Variants in EBF3 observed in about 807,000 individuals in gnomAD.
EBF3 encodes the protein transcription factor COE3.
Under a neutral mutation model 77.1 loss-of-function variants are expected in EBF3, and 18 were observed. The observed-to-expected ratio is 0.23, with a 90% CI of 0.16 to 0.35. The LOEUF (loss-of-function observed/expected upper bound fraction) is 0.35, where lower values mean the gene tolerates loss of function less well. Among genes scored for constraint, EBF3 ranks in the 10% least tolerant of loss-of-function variants. The pLI, the probability that EBF3 is intolerant of heterozygous loss-of-function variation, is 1.00. For missense variants in EBF3, 558 were observed against 860.0 expected, an observed-to-expected ratio of 0.65 and a Z score of 4.39; for synonymous variants, 350 against 343.5, an observed-to-expected ratio of 1.02 and a Z score of -0.21.
intron 6 of EBF3, among the ~76,000 whole-genome samples, chr10:129,887,986 G>A (rs926948407): frequency 1.3e-5 from 2 of 152,084 alleles, no homozygotes; most frequent in Non-Finnish European, 2.9e-5. Context: ...CATCCCAATC[G>A]GCCTCGTGGT....
Position 129,839,184 on chromosome 10 carries a change from C to T in EBF3, c.1771G>A (p.Gly591Ser). ...NGNGLQGSLL[G>S]AEDVAAEKTN... ...TTCTCCGCGGCTACGTCCTCAGCAC[C>T]CAGCAGAGAGCCTGGTACATAGTAG... The change falls in exon 16 of 17, where the codon GGT becomes AGT. Residue 591 changes from glycine to serine, a missense_variant. Transcript: ENST00000440978. The T allele has an allele frequency of 2.3e-6, 3 of 1,285,984 alleles. No individual in the cohort carries two copies. The South Asian group carries it at 3.7e-5, about 16-fold the overall frequency. The allele number at this position is 1,285,984 out of a possible 1,614,324, so 79.7% of individuals were successfully genotyped here. A position where few individuals can be genotyped will look rare whatever the true frequency, so the allele number is the denominator to read the frequency against.
At position 129,835,585 on chromosome 10, in the gene EBF3, G is replaced by C. The variant is rs1179101372; in HGVS notation, c.*2358C>G. 1 of 152,204 alleles carries C rather than the reference G, an allele frequency of 6.6e-6. No homozygotes were observed. Among genetic ancestry groups the C allele is most frequent in the African/African-American group, 2.4e-5 (1 of 41,434 alleles). The allele number at this position is 152,204 out of a possible 1,614,324, so 9.4% of individuals were successfully genotyped here. A position where few individuals can be genotyped will look rare whatever the true frequency, so the allele number is the denominator to read the frequency against. ...TACAAAATAAAATGGAGGCAATTTA[G>C]TTCCAAAGTGACTTCTCAGGCTTTC... On this transcript the variant is annotated 3_prime_UTR_variant, in exon 17 of 17. Coordinates refer to ENST00000440978, the MANE Select transcript of EBF3 (RefSeq NM_001375380.1).
intron 4 of EBF3, among the ~76,000 whole-genome samples, chr10:129,960,392 T>C (rs949789763): frequency 6.6e-6 from 1 of 152,212 alleles, no homozygotes; most frequent in Non-Finnish European, 1.5e-5. Context: ...GCCTCCTGCC[T>C]GGACCCGGCT....
At chr10:129,905,087 G>A (rs1367112715) in intron 6 of EBF3, among the ~76,000 whole-genome samples, 2 of 152,246 alleles carry the variant, frequency 1.3e-5, no homozygotes, top group Non-Finnish European at 2.9e-5. Flanking sequence ...AGGTGACTCT[G>A]GACCCCAGGG....
At chr10:129,893,841 G>A (rs1179896170) in intron 6 of EBF3, among the ~76,000 whole-genome samples, 5 of 152,230 alleles carry the variant, frequency 3.3e-5, no homozygotes, top group South Asian at 2.1e-4. Flanking sequence ...CAAGGTGAGC[G>A]CCTCTGTTAC....
rs1564808880 is a variant in EBF3, at chr10:129,836,955, ATATTT to A, written c.*983_*987del. The stretch of plus-strand genomic sequence containing the variant: ...TAAGGAATAAAACTTGTTTTTCTAA[ATATTT>A]TAAGTGGATCTGAAAAAAATTCAAG... On this transcript the variant is annotated 3_prime_UTR_variant, in exon 17 of 17. Transcript: ENST00000440978. 1 of 152,670 alleles carries A rather than the reference ATATTT, an allele frequency of 6.6e-6. No homozygotes were observed. The highest frequency in any genetic ancestry group is 1.5e-5 in the Non-Finnish European group (1 of 68,042). The allele number at this position is 152,670 out of a possible 1,614,324, so 9.5% of individuals were successfully genotyped here.
At chr10:129,890,076 C>T (rs1853915076) in intron 6 of EBF3, among the ~76,000 whole-genome samples, 1 of 151,222 alleles carries the variant, frequency 6.6e-6, no homozygotes, top group Admixed American at 6.6e-5. Context: ...GAGTCCTTAC[C>T]CCGACGCTTG....
chr10:129,954,506 T>C (rs1858902678), intron 6 of EBF3, among the ~76,000 whole-genome samples: 1 of 151,010 alleles, frequency 6.6e-6, no homozygotes, highest in African/African-American at 2.4e-5. Flanking sequence ...GTGTAATTAA[T>C]TGATTTAAGG....
chr10:129,964,117 C>G lies in EBF3; in HGVS notation c.-349G>C, dbSNP rs1240665301. On this transcript the variant is annotated 5_prime_UTR_variant, in exon 1 of 17. Coordinates refer to ENST00000440978, the MANE Select transcript of EBF3 (RefSeq NM_001375380.1). This position sits in a 1 kb window ranked among gnomAD's most constrained non-coding sequence, Gnocchi z 4.5. ...CCGCGGCTGCAGGACACTGCGGGAT[C>G]GCCCGCTTCTGGCGCGGCCCGCCTG... 1 of 984,964 alleles carries G rather than the reference C, an allele frequency of 1.0e-6. No individual in the cohort carries two copies. The highest frequency in any genetic ancestry group is 1.2e-6 in the Non-Finnish European group (1 of 829,838). 61.0% of individuals were successfully genotyped at this position (984,964 alleles called of 1,614,324 possible).
rs549890113 is a variant in EBF3 at position 129,841,796 on chromosome 10, T to C, written c.1372+320A>G. 6.6e-6 allele frequency among the ~76,000 whole-genome samples: 1 copy of C among 152,238 alleles called. No homozygotes were observed. The highest frequency in any genetic ancestry group is 1.5e-5 in the Non-Finnish European group (1 of 68,004). On this transcript the variant is annotated intron_variant, in intron 13 of 16. Transcript: ENST00000440978. This position sits in a 1 kb window ranked among gnomAD's most constrained non-coding sequence, Gnocchi z 4.6. ...AGCTCCCTAGGCCATGGCTATCCTA[T>C]GGCTTAGCCCAGACTTCCAAGGAAA...
chr10:129,912,499 C>T (rs868748510), intron 6 of EBF3, among the ~76,000 whole-genome samples: 6 of 152,144 alleles, frequency 3.9e-5, no homozygotes, highest in East Asian at 1.9e-4. Context: ...CATGCATTCT[C>T]GGCTTCTCTA....
At position 129,904,466 on chromosome 10, in the gene EBF3, AC is replaced by A. The variant is rs553226080; in HGVS notation, c.555-26618del. 1.8e-3 allele frequency among the ~76,000 whole-genome samples: 268 copies of A among 152,312 alleles called. 2 individuals are homozygous for A. The highest frequency in any genetic ancestry group is 2.9e-3 in the Admixed American group (44 of 15,298). On this transcript the variant is annotated intron_variant, in intron 6 of 16. Transcript: ENST00000440978. ...GATGGATAAATGGATGGATGGACAGACAAATGGAAGATAGATGGGCAGATGG... is the reference window on the plus strand; with the variant it reads ...GATGGATAAATGGATGGATGGACAGAAAATGGAAGATAGATGGGCAGATGG...
intron 4 of EBF3, among the ~76,000 whole-genome samples, chr10:129,960,118 A>G (rs1260856896): frequency 3.9e-5 from 6 of 151,918 alleles, no homozygotes; most frequent in Admixed American, 6.5e-5. Context: ...GAAAAGAAAA[A>G]AAAAAAAAGT....
chr10:129,883,435 T>A (rs1853347076), intron 6 of EBF3, among the ~76,000 whole-genome samples: 1 of 152,128 alleles, frequency 6.6e-6, no homozygotes. Context: ...AAAATGTTGG[T>A]ATCTTTTATT....
rs916377906 is a variant in EBF3, at chr10:129,843,849, A to G, written c.1129-647T>C. Among the ~76,000 whole-genome samples, 4 of 152,364 alleles carry G rather than the reference A, an allele frequency of 2.6e-5. No individual in the cohort carries two copies. The South Asian group carries it at 8.3e-4, about 32-fold the overall frequency. ...TAAAGGACTTCATAAATGCCTTCACATTCCGAGAGTGTGCGCGCTGTGCCT... is the reference window on the plus strand; with the variant it reads ...TAAAGGACTTCATAAATGCCTTCACGTTCCGAGAGTGTGCGCGCTGTGCCT... On this transcript the variant is annotated intron_variant, in intron 11 of 16. Coordinates refer to ENST00000440978, the MANE Select transcript of EBF3 (RefSeq NM_001375380.1).
At chr10:129,892,422 C>T (rs1854083070) in intron 6 of EBF3, among the ~76,000 whole-genome samples, 1 of 152,194 alleles carries the variant, frequency 6.6e-6, no homozygotes. Flanking sequence ...AGCTGTTTGG[C>T]GATTTCCACT....
intron 3 of EBF3, among the ~76,000 whole-genome samples, chr10:129,962,606 C>G (rs935207908): frequency 6.7e-6 from 1 of 150,006 alleles, no homozygotes; most frequent in Admixed American, 6.6e-5. Context: ...AAAAAAAAAA[C>G]TCGTTCACAG....
Position 129,947,168 on chromosome 10 carries a change from C to T in EBF3, c.554+10090G>A, listed in dbSNP as rs1056087397. Among the ~76,000 whole-genome samples the T allele has an allele frequency of 2.0e-5, 3 of 152,210 alleles. No homozygotes were observed. The highest frequency in any genetic ancestry group is 4.4e-5 in the Non-Finnish European group (3 of 68,050). On this transcript the variant is annotated intron_variant, in intron 6 of 16. Coordinates refer to ENST00000440978, the MANE Select transcript of EBF3 (RefSeq NM_001375380.1). This position sits in a 1 kb window ranked among gnomAD's most constrained non-coding sequence, Gnocchi z 4.5. ...CAGGGAGCTCCCTTTGGCAGCATTT[C>T]CAATAACCAAATATCAAGGAAGAGG...
chr10:129,931,680 C>T (rs530308688), intron 6 of EBF3, among the ~76,000 whole-genome samples: 17 of 152,378 alleles, frequency 1.1e-4, no homozygotes, highest in Admixed American at 3.3e-4. Flanking sequence ...TTTTATAAAA[C>T]GAAGTCTTCT....
Sources: gnomAD v4.1 joint callset for allele counts (sites outside exome capture counted in the v4.1 genomes callset) on GRCh38, gnomAD v4.1.1 for gene constraint, Gnocchi (gnomAD v3.1) non-coding constraint, MANE v1.5 for transcripts, NCBI Gene and HGNC (gene_info 2026-07-23, HGNC 2026-07-21) for gene names.